GRM1: variants seen among roughly 807,000 people sequenced by gnomAD.
GRM1 encodes the protein metabotropic glutamate receptor 1.
A neutral mutation model predicts 90.9 loss-of-function variants in GRM1; 33 were observed. The observed-to-expected ratio is 0.36, with a 90% CI of 0.28 to 0.49. The LOEUF is 0.49. Ranked by LOEUF, GRM1 falls within the 20% of genes least tolerant of loss-of-function variation. The pLI is 0.99. For missense variants in GRM1, 1,190 were observed against 1,534.3 expected (o/e 0.78, Z 3.75); for synonymous variants, 700 against 613.2 (o/e 1.14, Z -2.09).
chr6:146,045,163 T>A (rs1429726262), intron 1 of GRM1, among the ~76,000 whole-genome samples: 1 of 152,002 alleles, frequency 6.6e-6, no homozygotes, highest in African/African-American at 2.4e-5. Context: ...AAATGTTGTT[T>A]GATTCTCACA....
chr6:146,044,521 G>A (rs907639403), intron 1 of GRM1, among the ~76,000 whole-genome samples: 2 of 152,050 alleles, frequency 1.3e-5, no homozygotes, highest in South Asian at 4.1e-4. Context: ...GCTTGATATA[G>A]GATGAGAAAA....
intron 3 of GRM1, among the ~76,000 whole-genome samples, chr6:146,317,820 AAAGCAAGTTTTGTAGTCAAGCCAGTT>A (rs1249478155): frequency 6.6e-5 from 10 of 152,182 alleles, no homozygotes; most frequent in African/African-American, 2.4e-4. Context: ...TTCATTGACC[AAAGCAAGTTTTGTAGTCAAGCCAGTT>A]ATTAATGGAG....
intron 1 of GRM1, among the ~76,000 whole-genome samples, chr6:146,142,524 C>T (rs946850284): frequency 6.6e-6 from 1 of 152,222 alleles, no homozygotes; most frequent in South Asian, 2.1e-4. Flanking sequence ...GAGATGCCAT[C>T]TAGGAGGCAG....
intron 5 of GRM1, among the ~76,000 whole-genome samples, chr6:146,372,653 G>T (rs1043007814): frequency 8.3e-5 from 12 of 144,830 alleles, no homozygotes; most frequent in Admixed American, 6.7e-4. Flanking sequence ...GAGAGGTAGG[G>T]GTCTAGTTTC....
At chr6:146,311,139 C>T (rs1315443586) in intron 3 of GRM1, among the ~76,000 whole-genome samples, 2 of 152,160 alleles carry the variant, frequency 1.3e-5, no homozygotes, top group Non-Finnish European at 2.9e-5. Flanking sequence ...CCCAGGATCT[C>T]GTCGAGCAAA....
intron 1 of GRM1, among the ~76,000 whole-genome samples, chr6:146,089,196 G>T (rs1443588112): frequency 6.6e-6 from 1 of 152,112 alleles, no homozygotes; most frequent in Admixed American, 6.6e-5. Flanking sequence ...ATCTGGCAAG[G>T]CACTGTGGAC....
intron 2 of GRM1, among the ~76,000 whole-genome samples, chr6:146,278,886 T>C (rs1782467680): frequency 6.6e-6 from 1 of 152,188 alleles, no homozygotes; most frequent in Non-Finnish European, 1.5e-5. Context: ...TTTGTATTTT[T>C]AGTAGAGTCG....
intron 1 of GRM1, among the ~76,000 whole-genome samples, chr6:146,106,146 G>T (rs1292097225): frequency 6.6e-6 from 1 of 152,164 alleles, no homozygotes; most frequent in African/African-American, 2.4e-5. Context: ...TTGTCATGGG[G>T]TGGTAACATT....
chr6:146,334,546 CT>C (rs139929116), intron 3 of GRM1, among the ~76,000 whole-genome samples: 1,728 of 152,280 alleles, frequency 0.011, 70 homozygotes, highest in East Asian at 0.079. Context: ...AAAATTGCCC[CT>C]GTGATCCTCA....
intron 4 of GRM1, among the ~76,000 whole-genome samples, chr6:146,355,663 AAAACAAAC>A (rs968072839): frequency 2.0e-5 from 3 of 152,030 alleles, no homozygotes; most frequent in Non-Finnish European, 2.9e-5. Context: ...TCTAGATTGA[AAAACAAAC>A]AAACAAACAA....
At chr6:146,042,815 G>A (rs1791165158) in intron 1 of GRM1, among the ~76,000 whole-genome samples, 2 of 151,892 alleles carry the variant, frequency 1.3e-5, no homozygotes, top group African/African-American at 2.4e-5. Context: ...AATTAACTTG[G>A]CCACCTACTG....
chr6:146,420,206 C>T (rs781381064), intron 7 of GRM1, among the ~76,000 whole-genome samples: 1 of 152,206 alleles, frequency 6.6e-6, no homozygotes, highest in African/African-American at 2.4e-5. Flanking sequence ...CTTTTGTAAT[C>T]ATGTGAAGCT....
chr6:146,373,856 C>G (rs1292639472), intron 5 of GRM1, among the ~76,000 whole-genome samples: 1 of 152,108 alleles, frequency 6.6e-6, no homozygotes, highest in Non-Finnish European at 1.5e-5. Context: ...CCCTTTATAT[C>G]TTTCTCTTGC....
At chr6:146,196,548 G>T (rs993751948) in intron 2 of GRM1, among the ~76,000 whole-genome samples, 3 of 134,946 alleles carry the variant, frequency 2.2e-5, no homozygotes, top group Admixed American at 8.0e-5. Context: ...CTCATGATCC[G>T]CCCACCTTGG....
chr6:146,220,651 A>G (rs1221339755), intron 2 of GRM1, among the ~76,000 whole-genome samples: 1 of 151,922 alleles, frequency 6.6e-6, no homozygotes, highest in Non-Finnish European at 1.5e-5. Context: ...TTCTTCCTTT[A>G]TATTCTTTCC....
chr6:146,146,637 A>T (rs1777118909), intron 1 of GRM1, among the ~76,000 whole-genome samples: 1 of 152,070 alleles, frequency 6.6e-6, no homozygotes, highest in Non-Finnish European at 1.5e-5. Context: ...GAGCATTAAG[A>T]GGTGATTAGA....
chr6:146,270,581 G>A (rs578184836), intron 2 of GRM1, among the ~76,000 whole-genome samples: 40 of 152,264 alleles, frequency 2.6e-4, no homozygotes, highest in African/African-American at 9.6e-4. Context: ...AACTCCCCAT[G>A]ACCCCCAACC....
At chr6:146,183,306 T>C (rs1458384704) in intron 2 of GRM1, among the ~76,000 whole-genome samples, 3 of 152,198 alleles carry the variant, frequency 2.0e-5, no homozygotes, top group African/African-American at 4.8e-5. Context: ...CCATGAGAGA[T>C]TGAAGAGTTT....
intron 2 of GRM1, among the ~76,000 whole-genome samples, chr6:146,294,869 G>T (rs1783122326): frequency 1.3e-5 from 2 of 152,030 alleles, no homozygotes; most frequent in Non-Finnish European, 2.9e-5. Flanking sequence ...GTTAATATTT[G>T]TTTGGTTAAT....
Sources: allele counts gnomAD v4.1 joint callset (sites outside exome capture counted in the v4.1 genomes callset), GRCh38; gene constraint gnomAD v4.1.1; transcripts MANE v1.5; gene names NCBI Gene and HGNC (gene_info 2026-07-23, HGNC 2026-07-21).